The following RPSA2 variants were observed in gnomAD, a reference collection of about 807,000 sequenced individuals.
The protein encoded by RPSA2 is ribosomal protein SA 2, also known as small ribosomal subunit protein uS2B.
chr19:23,853,953 C>T, the RPSA2 span, among the ~76,000 whole-genome samples: 1 of 152,178 alleles, frequency 6.6e-6, no homozygotes, highest in African/African-American at 2.4e-5. Context: ...TCTACTAGGC[C>T]ATCAAACTTT....
At chr19:23,810,486 T>C in the RPSA2 span, among the ~76,000 whole-genome samples, 102 of 149,540 alleles carry the variant, frequency 6.8e-4, 1 homozygote, top group African/African-American at 2.3e-3. Flanking sequence ...TGAATATCTT[T>C]CAGGACTTTG....
At chr19:23,869,199 G>T in the RPSA2 span, among the ~76,000 whole-genome samples, 2 of 152,050 alleles carry the variant, frequency 1.3e-5, no homozygotes, top group Non-Finnish European at 2.9e-5. Context: ...TGGCTCCCCC[G>T]GACATAGAAC....
chr19:23,827,701 G>C, the RPSA2 span: 1 of 1,593,090 alleles, frequency 6.3e-7, no homozygotes, highest in Non-Finnish European at 8.5e-7. Flanking sequence ...TGCTGGCTCG[G>C]GAAGTTCTGC....
At chr19:23,789,023 C>CTTTCTTT in the RPSA2 span, among the ~76,000 whole-genome samples, 1 of 129,416 alleles carries the variant, frequency 7.7e-6, no homozygotes, top group Non-Finnish European at 1.6e-5. Flanking sequence ...TTCTTTCTTT[C>CTTTCTTT]TTTTTTTTTT....
At chr19:23,859,833 C>T in the RPSA2 span, among the ~76,000 whole-genome samples, 1 of 152,130 alleles carries the variant, frequency 6.6e-6, no homozygotes, top group Non-Finnish European at 1.5e-5. Flanking sequence ...TGTAAATATG[C>T]CTACTCTTTA....
At chr19:23,760,671 T>A in the RPSA2 span, among the ~76,000 whole-genome samples, 1,025 of 73,100 alleles carry the variant, frequency 0.014, 9 homozygotes, top group African/African-American at 0.043. Context: ...ATATATATAT[T>A]TTTTTTTTTT....
At chr19:23,825,734 G>T in the RPSA2 span, among the ~76,000 whole-genome samples, 1 of 152,016 alleles carries the variant, frequency 6.6e-6, no homozygotes, top group East Asian at 1.9e-4. Context: ...TTACAGGCAT[G>T]TGCCAACATG....
the RPSA2 span, chr19:23,758,903 C>G: frequency 4.9e-5 from 50 of 1,018,740 alleles, no homozygotes; most frequent in Non-Finnish European, 7.3e-5. Context: ...AAGGCCCCGC[C>G]AATCCCGGAA....
chr19:23,812,388 C>T, the RPSA2 span, among the ~76,000 whole-genome samples: 10 of 114,176 alleles, frequency 8.8e-5, no homozygotes, highest in Admixed American at 1.0e-4. Flanking sequence ...CTCTTTTTCT[C>T]TTTTTTTTTT....
chr19:23,815,281 G>A, the RPSA2 span, among the ~76,000 whole-genome samples: 1 of 152,174 alleles, frequency 6.6e-6, no homozygotes, highest in Non-Finnish European at 1.5e-5. Context: ...CTGTAACATG[G>A]TTTTGATGTT....
the RPSA2 span, among the ~76,000 whole-genome samples, chr19:23,848,277 C>T: frequency 6.6e-6 from 1 of 152,274 alleles, no homozygotes; most frequent in African/African-American, 2.4e-5. Flanking sequence ...CCCTGACTTC[C>T]CACAACATCT....
chr19:23,856,612 G>C, the RPSA2 span, among the ~76,000 whole-genome samples: 1 of 152,126 alleles, frequency 6.6e-6, no homozygotes, highest in Admixed American at 6.5e-5. Context: ...AACCATGTTG[G>C]CATGCCAGAT....
At chr19:23,813,505 G>A in the RPSA2 span, among the ~76,000 whole-genome samples, 1 of 151,868 alleles carries the variant, frequency 6.6e-6, no homozygotes, top group East Asian at 1.9e-4. Flanking sequence ...TATTTTCAAA[G>A]TGTATCTTTA....
chr19:23,771,861 G>C, the RPSA2 span, among the ~76,000 whole-genome samples: 2 of 152,090 alleles, frequency 1.3e-5, no homozygotes, highest in Non-Finnish European at 2.9e-5. Context: ...TAAATCTCCT[G>C]TATGGGCCCT....
the RPSA2 span, among the ~76,000 whole-genome samples, chr19:23,859,595 C>G: frequency 6.7e-6 from 1 of 149,084 alleles, no homozygotes; most frequent in Admixed American, 6.8e-5. Flanking sequence ...CCATTGCACT[C>G]CAGCCTGGGC....
At chr19:23,862,588 G>T in the RPSA2 span, among the ~76,000 whole-genome samples, 2 of 152,084 alleles carry the variant, frequency 1.3e-5, no homozygotes, top group East Asian at 3.9e-4. Context: ...TTAGCATGAA[G>T]GGTTGTTGAA....
At chr19:23,855,651 C>A in the RPSA2 span, among the ~76,000 whole-genome samples, 1 of 151,968 alleles carries the variant, frequency 6.6e-6, no homozygotes, top group Non-Finnish European at 1.5e-5. Context: ...GGAAGTCAGA[C>A]TGGTATGAGA....
the RPSA2 span, among the ~76,000 whole-genome samples, chr19:23,764,321 C>T: frequency 6.6e-6 from 1 of 152,192 alleles, no homozygotes; most frequent in Non-Finnish European, 1.5e-5. Context: ...CCTACATTCT[C>T]AAATGTAGGA....
chr19:23,854,792 G>A, the RPSA2 span, among the ~76,000 whole-genome samples: 7 of 152,154 alleles, frequency 4.6e-5, no homozygotes, highest in South Asian at 4.1e-4. Context: ...GCCATCCTTC[G>A]TGGCCCATGC....
Sources: allele counts gnomAD v4.1 joint callset (sites outside exome capture counted in the v4.1 genomes callset), GRCh38; gene constraint gnomAD v4.1.1; transcripts MANE v1.5; gene names NCBI Gene and HGNC (gene_info 2026-07-23, HGNC 2026-07-21).